ADGRG6: variants seen among roughly 807,000 people sequenced by gnomAD.
ADGRG6 encodes the protein G-protein coupled receptor 126.
ADGRG6 carries 84 observed loss-of-function variants against 142.4 expected under a neutral mutation model. The observed-to-expected ratio is 0.59, with a 90% CI of 0.49 to 0.71. ADGRG6 has a LOEUF of 0.71. Among genes scored for constraint, ADGRG6 ranks in the 30% least tolerant of loss-of-function variants. The pLI, the probability that ADGRG6 is intolerant of heterozygous loss-of-function variation, is 0.00. For synonymous variants in ADGRG6, 521 were observed against 520.5 expected (o/e 1.00, Z -0.01); for missense variants, 1,367 against 1,466.6 (o/e 0.93, Z 1.11).
At chr6:142,394,843 C>T (rs758734965) in intron 9 of ADGRG6, among the ~76,000 whole-genome samples, 1 of 152,064 alleles carries the variant, frequency 6.6e-6, no homozygotes, top group African/African-American at 2.4e-5. Context: ...TGTCTCAGCC[C>T]CCCCCAGAGT....
chr6:142,420,545 A>C (rs1345487307), intron 22 of ADGRG6, among the ~76,000 whole-genome samples: 1 of 152,170 alleles, frequency 6.6e-6, no homozygotes, highest in Admixed American at 6.6e-5. Context: ...TTTAGAGTCT[A>C]TGTAAGAACA....
intron 5 of ADGRG6, among the ~76,000 whole-genome samples, chr6:142,382,794 TAAG>T (rs1476322786): frequency 6.6e-6 from 1 of 152,194 alleles, no homozygotes; most frequent in African/African-American, 2.4e-5. Context: ...GATCTCTTAT[TAAG>T]AAGATCATAG....
intron 2 of ADGRG6, among the ~76,000 whole-genome samples, chr6:142,318,890 C>A (rs1230921043): frequency 6.6e-6 from 1 of 151,948 alleles, no homozygotes; most frequent in Non-Finnish European, 1.5e-5. Flanking sequence ...AGGGCCGATG[C>A]TGACAAAGCT....
At chr6:142,441,744 A>G (rs1456949340) in intron 24 of ADGRG6, among the ~76,000 whole-genome samples, 1 of 152,200 alleles carries the variant, frequency 6.6e-6, no homozygotes, top group Non-Finnish European at 1.5e-5. Context: ...GTCAATAGAA[A>G]AATCCCCACC....
At chr6:142,400,643 C>T (rs1048247425) in intron 11 of ADGRG6, 47 bp downstream of exon 11, 5 of 951,712 alleles carry the variant, frequency 5.3e-6, no homozygotes, top group Non-Finnish European at 8.5e-6. Flanking sequence ...TGTTATCAGC[C>T]TTCCCAGGGT....
At chr6:142,307,099 G>T (rs1409965455) in intron 1 of ADGRG6, among the ~76,000 whole-genome samples, 1 of 152,120 alleles carries the variant, frequency 6.6e-6, no homozygotes, top group Non-Finnish European at 1.5e-5. Context: ...CAAAGAAGTT[G>T]CCTGAGCGCA....
At chr6:142,377,406 CA>C (rs1407083177) in intron 4 of ADGRG6, among the ~76,000 whole-genome samples, 2 of 152,214 alleles carry the variant, frequency 1.3e-5, no homozygotes, top group Non-Finnish European at 2.9e-5. Flanking sequence ...CCACCTCCCA[CA>C]AGTCGGGCTC....
intron 1 of ADGRG6, among the ~76,000 whole-genome samples, chr6:142,304,302 G>T (rs1464110851): frequency 2.0e-5 from 3 of 152,086 alleles, no homozygotes; most frequent in Non-Finnish European, 2.9e-5. Flanking sequence ...TTATACTCAG[G>T]TTCTTTAATT....
At position 142,393,975 on chromosome 6, in the gene ADGRG6, T is replaced by C; in HGVS notation, c.1424+17T>C. The C allele has an allele frequency of 2.1e-6, 3 of 1,448,852 alleles. No homozygotes were observed. The highest frequency in any genetic ancestry group is 1.7e-4 in the Middle Eastern group (1 of 5,788). The allele number at this position is 1,448,852 out of a possible 1,614,324, so 89.7% of individuals were successfully genotyped here. A position where few individuals can be genotyped will look rare whatever the true frequency, so the allele number is the denominator to read the frequency against. Reference sequence around the variant, plus strand: ...TGAGCCAAGGTAACAGGACAAAGTATTGTAAAGAGTATAACATTCTTTCTC... The same window carrying C: ...TGAGCCAAGGTAACAGGACAAAGTACTGTAAAGAGTATAACATTCTTTCTC... On this transcript the variant is annotated intron_variant, in intron 9 of 24. Coordinates refer to ENST00000367609, the MANE Select transcript of ADGRG6 (RefSeq NM_198569.3).
Position 142,415,165 on chromosome 6 carries a change from G to C in ADGRG6, c.2669+69G>C. The C allele has an allele frequency of 4.5e-6, 6 of 1,344,402 alleles. No individual in the cohort carries two copies. In the East Asian group the frequency reaches 1.4e-4, roughly 32 times the overall value. 83.3% of individuals were successfully genotyped at this position (1,344,402 alleles called of 1,614,324 possible). On this transcript the variant is annotated intron_variant, in intron 19 of 24. Transcript: ENST00000367609. ...AAATGTGAATAAGAAAATTGCCTCG[G>C]CTTTGAAAAACATTTATACACTGTA...
intron 2 of ADGRG6, among the ~76,000 whole-genome samples, chr6:142,324,037 T>C (rs1778644151): frequency 6.6e-6 from 1 of 152,226 alleles, no homozygotes; most frequent in Middle Eastern, 3.4e-3. Context: ...TTAATACCAT[T>C]ACTTCTCTTC....
chr6:142,305,264 C>G (rs932942839), intron 1 of ADGRG6, among the ~76,000 whole-genome samples: 1 of 151,990 alleles, frequency 6.6e-6, no homozygotes, highest in African/African-American at 2.4e-5. Flanking sequence ...TTTTTTAACT[C>G]TTTTAGAAAT....
intron 2 of ADGRG6, among the ~76,000 whole-genome samples, chr6:142,360,651 T>TTTTA (rs1283119084): frequency 6.6e-5 from 10 of 152,108 alleles, no homozygotes; most frequent in Admixed American, 4.6e-4. Context: ...TTTTCTTTTC[T>TTTTA]TTTATTTATT....
Position 142,400,614 on chromosome 6 carries a change from T to A in ADGRG6, c.1679+18T>A, listed in dbSNP as rs78129432. On this transcript the variant is annotated intron_variant, in intron 11 of 24. Transcript: ENST00000367609. ...CGGATATGGTAATATTTTCACTGACTCTTGCCAGCAAAGCTACATGTTATC... is the reference window on the plus strand; with the variant it reads ...CGGATATGGTAATATTTTCACTGACACTTGCCAGCAAAGCTACATGTTATC... 4,656 of 1,244,590 alleles carry A rather than the reference T, an allele frequency of 3.7e-3. 14 individuals are homozygous for A. The highest frequency in any genetic ancestry group is 4.9e-3 in the Non-Finnish European group (4,143 of 845,618). The allele number at this position is 1,244,590 out of a possible 1,614,324, so 77.1% of individuals were successfully genotyped here.
chr6:142,403,922 A>G lies in ADGRG6; in HGVS notation c.2076A>G (p.Ala692=). 1 of 1,610,654 alleles carries G rather than the reference A, an allele frequency of 6.2e-7. No individual in the cohort carries two copies. Among genetic ancestry groups the G allele is most frequent in the South Asian group, 1.1e-5 (1 of 90,740 alleles). The change falls in exon 14 of 25, where the codon GCA becomes GCG. Residue 692 remains alanine, a synonymous_variant. Coordinates refer to ENST00000367609, the MANE Select transcript of ADGRG6 (RefSeq NM_198569.3). ...SVSSLLPGTN[A]ISNFSIGLPS... is the part of the protein sequence containing the mutation. ...CATCCCTGTTACCAGGGACAAATGCAATTTCAAATTTTAGCATTGGTCTTC... is the reference window on the plus strand; with the variant it reads ...CATCCCTGTTACCAGGGACAAATGCGATTTCAAATTTTAGCATTGGTCTTC...
chr6:142,351,438 T>C (rs1780169910), intron 2 of ADGRG6, among the ~76,000 whole-genome samples: 1 of 151,860 alleles, frequency 6.6e-6, no homozygotes, highest in Admixed American at 6.6e-5. Context: ...AAGGTAACAA[T>C]AACAAGCAAT....
chr6:142,435,457 T>C (rs137899245), intron 22 of ADGRG6, among the ~76,000 whole-genome samples: 205 of 152,184 alleles, frequency 1.3e-3, no homozygotes, highest in African/African-American at 4.9e-3. Context: ...AAATATGTTT[T>C]CTTTTCATTC....
At chr6:142,371,285 C>T (rs927007565) in intron 4 of ADGRG6, among the ~76,000 whole-genome samples, 1 of 151,144 alleles carries the variant, frequency 6.6e-6, no homozygotes, top group African/African-American at 2.4e-5. Flanking sequence ...GCCTCAGCCT[C>T]CCAAGTATCT....
Position 142,411,310 on chromosome 6 carries a change from T to C in ADGRG6, c.2440T>C (p.Phe814Leu). The change falls in exon 18 of 25, where the codon TTT becomes CTT. Residue 814 changes from phenylalanine (F) to leucine (L), a missense_variant. Coordinates refer to ENST00000367609, the MANE Select transcript of ADGRG6 (RefSeq NM_198569.3). The part of the protein sequence containing the change: ...AFWDLNKNKS[F>L]GGWNTSGCVA... ...TTTGTTGATTCCTTCAACAGAAAGT[T>C]TTGGAGGATGGAACACGTCAGGATG... The C allele has an allele frequency of 6.3e-7, 1 of 1,581,762 alleles. No individual in the cohort carries two copies. The highest frequency in any genetic ancestry group is 8.7e-7 in the Non-Finnish European group (1 of 1,150,926).
Sources: gnomAD v4.1 joint callset for allele counts (sites outside exome capture counted in the v4.1 genomes callset) on GRCh38, gnomAD v4.1.1 for gene constraint, MANE v1.5 for transcripts, NCBI Gene and HGNC (gene_info 2026-07-23, HGNC 2026-07-21) for gene names.